The following ABCB8 variants were observed in gnomAD, a reference collection of about 807,000 sequenced individuals.
ABCB8 encodes the protein mitochondrial potassium channel ATP-binding subunit.
In ABCB8, 52 loss-of-function variants were observed where a neutral mutation model predicts 73.0. The ratio of observed to expected loss-of-function variants is 0.71; its 90% CI spans 0.57 to 0.90. ABCB8 has a LOEUF of 0.90. Ranked by LOEUF, ABCB8 falls within the 40% of genes least tolerant of loss-of-function variation. The pLI is 0.00. For missense variants in ABCB8, 909 were observed against 974.6 expected, an observed-to-expected ratio of 0.93 and a Z score of 0.90; for synonymous variants, 428 against 423.5, an observed-to-expected ratio of 1.01 and a Z score of -0.13.
At chr7:151,042,224 C>T (rs891056465) in intron 14 of ABCB8, 116 bp downstream of exon 14, 3 of 1,456,146 alleles carry the variant, frequency 2.1e-6, no homozygotes, top group Non-Finnish European at 2.8e-6. Flanking sequence ...GGGAGAAAGA[C>T]AGTTGTGTCA....
At chr7:151,036,793 G>A in intron 9 of ABCB8, 144 bp downstream of exon 9, 1 of 803,322 alleles carries the variant, frequency 1.2e-6, no homozygotes, top group Non-Finnish European at 2.2e-6. Context: ...GGGATGCATA[G>A]GGTGGGGAGA....
chr7:151,033,228 A>G, intron 1 of ABCB8: 1 of 411,642 alleles, frequency 2.4e-6, no homozygotes, highest in South Asian at 2.0e-5. Flanking sequence ...GGTCCCTTAA[A>G]CCCCCGGCCC....
Position 151,035,609 on chromosome 7 carries a change from G to T in ABCB8, c.794G>T (p.Gly265Val), listed in dbSNP as rs989154240. The change falls in exon 6 of 16, where the codon GGC becomes GTC. Residue 265 changes from glycine to valine, a missense_variant. Coordinates refer to ENST00000358849, the MANE Select transcript of ABCB8 (RefSeq NM_007188.5). Reference sequence around the variant, plus strand: ...CTGCGAAGCTGCACCCAGGTGGCAGGCTGCCTGGTGTCCCTGTCCATGCTG... The same window carrying T: ...CTGCGAAGCTGCACCCAGGTGGCAGTCTGCCTGGTGTCCCTGTCCATGCTG... The part of the protein sequence containing the change: ...QGLRSCTQVA[G>V]CLVSLSMLST... The T allele has an allele frequency of 4.4e-6, 7 of 1,601,908 alleles. No individual in the cohort carries two copies. Among genetic ancestry groups the T allele is most frequent in the South Asian group, 1.1e-5 (1 of 90,912 alleles).
At chr7:151,030,510 C>CAAATAAGTAAAT (rs1796132582) in intron 1 of ABCB8, among the ~76,000 whole-genome samples, 1 of 150,148 alleles carries the variant, frequency 6.7e-6, no homozygotes, top group Non-Finnish European at 1.5e-5. Flanking sequence ...GACTCCGTCT[C>CAAATAAGTAAAT]AAATAAATAA....
At chr7:151,037,983 C>T (rs1796357151) in intron 9 of ABCB8, 1 of 155,514 alleles carries the variant, frequency 6.4e-6, no homozygotes, top group South Asian at 2.0e-4. Flanking sequence ...CTCCTCCAGC[C>T]CAAGGAGCTG....
intron 13 of ABCB8, 56 bp from the exon 14 acceptor site, chr7:151,041,905 T>C: frequency 6.3e-7 from 1 of 1,592,628 alleles, no homozygotes; most frequent in Non-Finnish European, 8.6e-7. Context: ...CCCTCCAGTT[T>C]CTGGGGCAAA....
intron 8 of ABCB8, among the ~76,000 whole-genome samples, 170 bp from the exon 9 acceptor site, chr7:151,036,373 TC>T (rs1796308984): frequency 6.6e-6 from 1 of 152,202 alleles, no homozygotes; most frequent in South Asian, 2.1e-4. Context: ...AGGGCCACCC[TC>T]AAGGAGGCCA....
chr7:151,033,260 G>T, intron 1 of ABCB8: 1 of 472,196 alleles, frequency 2.1e-6, no homozygotes, highest in East Asian at 5.2e-5. Context: ...GGCAGTGTGT[G>T]GCCATCTAAC....
chr7:151,036,760 T>C (rs1796321491), intron 9 of ABCB8, 111 bp downstream of exon 9: 2 of 958,296 alleles, frequency 2.1e-6, no homozygotes, highest in South Asian at 1.3e-5. Context: ...GCTGTGCAGC[T>C]CCAGGCCTGC....
At position 151,032,193 on chromosome 7, in the gene ABCB8, C is replaced by G. The variant is rs552978123; in HGVS notation, c.96-1412C>G. Among the ~76,000 whole-genome samples, 236 of 152,288 alleles carry G rather than the reference C, an allele frequency of 1.5e-3. 1 individual carries two copies. Among genetic ancestry groups the G allele is most frequent in the Middle Eastern group, 3.4e-3 (1 of 294 alleles). ...CACCCCCACCTGTGCCTGGCCTGTT[C>G]CCCCTCACAGGTTCCCCCTTACCTA... On this transcript the variant is annotated intron_variant, in intron 1 of 15. Coordinates refer to ENST00000358849, the MANE Select transcript of ABCB8 (RefSeq NM_007188.5).
intron 1 of ABCB8, chr7:151,029,059 C>A (rs1258075046): frequency 9.2e-7 from 1 of 1,087,122 alleles, no homozygotes; most frequent in South Asian, 1.9e-5. Flanking sequence ...CGCGGTGGCT[C>A]GCTCCTGTAA....
chr7:151,029,508 C>CTT lies in ABCB8; in HGVS notation c.95+913_95+914dup, dbSNP rs71533518. ...CTTTTCTTTTCTTTTCTTTTCTTTT[C>CTT]TTTTTTTTTTTTTTTTGAGACAGAG... is the stretch of plus-strand genomic sequence containing the variant. On this transcript the variant is annotated intron_variant, in intron 1 of 15. Coordinates refer to ENST00000358849, the MANE Select transcript of ABCB8 (RefSeq NM_007188.5). 484 of 58,304 alleles carry CTT rather than the reference C, an allele frequency of 8.3e-3. 3 individuals are homozygous for CTT. Among genetic ancestry groups the CTT allele is most frequent in the African/African-American group, 0.016 (199 of 12,822 alleles). 3.6% of individuals were successfully genotyped at this position (58,304 alleles called of 1,614,324 possible). A position where few individuals can be genotyped will look rare whatever the true frequency, so the allele number is the denominator to read the frequency against.
Position 151,034,606 on chromosome 7 carries a change from C to T in ABCB8, c.659+7C>T, listed in dbSNP as rs771099024. The T allele has an allele frequency of 6.2e-7, 1 of 1,613,860 alleles. No homozygotes were observed. Among genetic ancestry groups the T allele is most frequent in the South Asian group, 1.1e-5 (1 of 91,090 alleles). On this transcript the variant is annotated splice_region_variant and intron_variant, in intron 4 of 15. Transcript: ENST00000358849. ...TCTTCAGCTCCCTGCTCCGGTACTGCCAGCCGCAGGGTGCAGAGTTGGGGT... is the reference window on the plus strand; with the variant it reads ...TCTTCAGCTCCCTGCTCCGGTACTGTCAGCCGCAGGGTGCAGAGTTGGGGT...
At chr7:151,032,379 C>T (rs185590174) in intron 1 of ABCB8, among the ~76,000 whole-genome samples, 1 of 152,316 alleles carries the variant, frequency 6.6e-6, no homozygotes, top group African/African-American at 2.4e-5. Flanking sequence ...CCGAGCAGAG[C>T]ACCTGCACAC....
rs766389258 is a variant in ABCB8 at position 151,036,649 on chromosome 7, G to T, written c.1217G>T (p.Arg406Met). The stretch of plus-strand genomic sequence containing the variant: ...CTGGTGGCCTCCCAGACAGTGCAAA[G>T]GTAAGTGGGGGCCGTTCCCATTGCT... ...SFLVASQTVQ[R>M]SMANLSVLFG... The change falls in exon 9 of 16, where the codon AGG becomes ATG. Residue 406 changes from arginine (R) to methionine (M), a missense_variant and splice_region_variant. By Grantham distance (91) the Arg-to-Met change is moderately conservative. Transcript: ENST00000358849. 1 of 1,600,510 alleles carries T rather than the reference G, an allele frequency of 6.2e-7. No homozygotes were observed. The highest frequency in any genetic ancestry group is 8.5e-7 in the Non-Finnish European group (1 of 1,171,666).
intron 8 of ABCB8, 114 bp from the exon 9 acceptor site, chr7:151,036,430 C>T (rs1183133748): frequency 1.9e-5 from 20 of 1,049,402 alleles, no homozygotes; most frequent in African/African-American, 1.4e-4. Flanking sequence ...AGGAAGCCAA[C>T]GCTGGGACCA....
At position 151,045,345 on chromosome 7, in the gene ABCB8, C is replaced by A; in HGVS notation, c.2153C>A (p.Ser718Tyr). Reference protein sequence around the residue: ...PEGPRSHQHKS With the variant: ...PEGPRSHQHKY ...GGCCCCAGGAGCCACCAGCACAAGT[C>A]CTGAGAAGGGCCCCCTGAGGTGTGG... Residue 718 changes from serine to tyrosine, a missense_variant, in exon 16 of 16, where the codon TCC (serine) becomes TAC (tyrosine). By Grantham distance (144) the Ser-to-Tyr change is moderately radical. Coordinates refer to ENST00000358849, the MANE Select transcript of ABCB8 (RefSeq NM_007188.5). 6.4e-7 allele frequency: 1 copy of A among 1,562,350 alleles called. No individual in the cohort carries two copies. The highest frequency in any genetic ancestry group is 8.7e-7 in the Non-Finnish European group (1 of 1,153,046).
At chr7:151,037,121 C>CT in intron 9 of ABCB8, 1 of 702,288 alleles carries the variant, frequency 1.4e-6, no homozygotes, top group Non-Finnish European at 2.6e-6. Flanking sequence ...CCCCCAGCCC[C>CT]TGGCACCCAC....
At chr7:151,036,014 C>G in intron 7 of ABCB8, 47 bp downstream of exon 7, 1 of 1,612,832 alleles carries the variant, frequency 6.2e-7, no homozygotes, top group South Asian at 1.1e-5. Flanking sequence ...CCCCCCACAC[C>G]CTGCCAACCC....
Sources: allele counts gnomAD v4.1 joint callset (sites outside exome capture counted in the v4.1 genomes callset), GRCh38; gene constraint gnomAD v4.1.1; transcripts MANE v1.5; gene names NCBI Gene and HGNC (gene_info 2026-07-23, HGNC 2026-07-21).